The following OTUD3 variants were observed in gnomAD, a reference collection of about 807,000 sequenced individuals.
OTUD3 encodes the protein OTU domain-containing protein 3.
Under a neutral mutation model 46.2 loss-of-function variants are expected in OTUD3, and 24 were observed. The observed-to-expected ratio is 0.52, with a 90% confidence interval of 0.38 to 0.73. OTUD3 has a LOEUF of 0.73. Among genes scored for constraint, OTUD3 ranks in the 30% least tolerant of loss-of-function variants. OTUD3 has a pLI of 0.00. For missense variants in OTUD3, 455 were observed against 523.3 expected (o/e 0.87, Z 1.27); for synonymous variants, 189 against 195.4 (o/e 0.97, Z 0.27).
At chr1:19,896,900 T>C (rs1408753698) in intron 3 of OTUD3, among the ~76,000 whole-genome samples, 2 of 152,202 alleles carry the variant, frequency 1.3e-5, no homozygotes, top group Admixed American at 6.5e-5. Context: ...GGTTGAGCGC[T>C]ACAGGCCGTA....
chr1:19,893,284 T>C (rs2045473818), intron 2 of OTUD3, among the ~76,000 whole-genome samples: 1 of 152,134 alleles, frequency 6.6e-6, no homozygotes, highest in South Asian at 2.1e-4. Flanking sequence ...GGTTCCATAA[T>C]ATGGTAGTAG....
chr1:19,896,331 A>T (rs1438612800), intron 3 of OTUD3, among the ~76,000 whole-genome samples: 1 of 151,138 alleles, frequency 6.6e-6, no homozygotes, highest in African/African-American at 2.4e-5. Flanking sequence ...CACAGTTAAC[A>T]ATTTGGTGAA....
intron 6 of OTUD3, 38 bp from the exon 7 acceptor site, chr1:19,906,394 C>T: frequency 6.3e-7 from 1 of 1,593,588 alleles, no homozygotes; most frequent in Non-Finnish European, 8.6e-7. Context: ...GTGTAACTCT[C>T]AGGTTCTCAG....
chr1:19,900,259 A>C (rs983399397), intron 4 of OTUD3, among the ~76,000 whole-genome samples: 3 of 152,068 alleles, frequency 2.0e-5, no homozygotes, highest in Non-Finnish European at 4.4e-5. Flanking sequence ...GCTGGAGTGC[A>C]GTGCTATGAT....
rs1374005183 is a variant in OTUD3, at chr1:19,906,624, A to G, written c.1020+8A>G. 1 of 1,600,192 alleles carries G rather than the reference A, an allele frequency of 6.2e-7. No individual in the cohort carries two copies. On this transcript the variant is annotated splice_region_variant and intron_variant, in intron 7 of 7. Coordinates refer to ENST00000375120, the MANE Select transcript of OTUD3 (RefSeq NM_015207.2). The stretch of plus-strand genomic sequence containing the variant: ...AAAAACCAGCTCGCAAAGGTATGTA[A>G]GATGGGGTTGAATGGGCAGGTGGTG...
rs2045733880 is a variant in OTUD3, at chr1:19,911,564, A to G, written c.*3818A>G. 6.6e-6 allele frequency: 1 copy of G among 151,496 alleles called. No individual in the cohort carries two copies. Among genetic ancestry groups the G allele is most frequent in the Non-Finnish European group, 1.5e-5 (1 of 67,976 alleles). 9.4% of individuals were successfully genotyped at this position (151,496 alleles called of 1,614,324 possible). On this transcript the variant is annotated 3_prime_UTR_variant, in exon 8 of 8. Transcript: ENST00000375120. ...GCCACCATGCTTGGCTAATTTTTGT[A>G]TTTTTAGTAGAGACGGGGTTTCACC...
At position 19,904,259 on chromosome 1, in the gene OTUD3, T is replaced by C. The variant is rs766558711; in HGVS notation, c.607-8T>C. On this transcript the variant is annotated splice_region_variant and splice_polypyrimidine_tract_variant and intron_variant, in intron 4 of 7. Coordinates refer to ENST00000375120, the MANE Select transcript of OTUD3 (RefSeq NM_015207.2). ...CATAGTTCCCTGATTATTACTTGTT[T>C]CCTTTAGTTTCAGATGCTTCATCAA... 1.3e-6 allele frequency: 2 copies of C among 1,585,858 alleles called. No individual in the cohort carries two copies. Among genetic ancestry groups the C allele is most frequent in the East Asian group, 2.2e-5 (1 of 44,634 alleles).
intron 1 of OTUD3, among the ~76,000 whole-genome samples, chr1:19,884,851 T>G (rs907749918): frequency 6.6e-6 from 1 of 152,206 alleles, no homozygotes; most frequent in African/African-American, 2.4e-5. Flanking sequence ...TACAAATAAT[T>G]AAAATATAGT....
Position 19,910,702 on chromosome 1 carries a change from G to A in OTUD3, c.*2956G>A, listed in dbSNP as rs2045723441. ...CAGTTTGATTCTGAGGGCTTGGGAAGTGGGATCTCCCTTGTGGAGCAGCTG... is the reference window on the plus strand; with the variant it reads ...CAGTTTGATTCTGAGGGCTTGGGAAATGGGATCTCCCTTGTGGAGCAGCTG... On this transcript the variant is annotated 3_prime_UTR_variant, in exon 8 of 8. Coordinates refer to ENST00000375120, the MANE Select transcript of OTUD3 (RefSeq NM_015207.2). The A allele has an allele frequency of 6.6e-6, 1 of 152,376 alleles. No homozygotes were observed. Among genetic ancestry groups the A allele is most frequent in the South Asian group, 2.1e-4 (1 of 4,832 alleles). The allele number at this position is 152,376 out of a possible 1,614,324, so 9.4% of individuals were successfully genotyped here. A position where few individuals can be genotyped will look rare whatever the true frequency, so the allele number is the denominator to read the frequency against.
intron 2 of OTUD3, among the ~76,000 whole-genome samples, chr1:19,893,769 G>A (rs751088678): frequency 1.3e-5 from 2 of 152,216 alleles, no homozygotes; most frequent in Non-Finnish European, 2.9e-5. Context: ...TACTGCACAT[G>A]CCCTTCCTGA....
chr1:19,897,424 A>G lies in OTUD3; in HGVS notation c.484-116A>G, dbSNP rs2045530974. Reference sequence around the variant, plus strand: ...GTGACATATCCCAGGTGTGTTCCCAATTAGTGTCTCATAGACCTGCTGACT... The same window carrying G: ...GTGACATATCCCAGGTGTGTTCCCAGTTAGTGTCTCATAGACCTGCTGACT... On this transcript the variant is annotated intron_variant, in intron 3 of 7. Coordinates refer to ENST00000375120, the MANE Select transcript of OTUD3 (RefSeq NM_015207.2). The G allele has an allele frequency of 3.3e-5, 33 of 988,206 alleles. 1 individual carries two copies. In the South Asian group the frequency reaches 5.5e-4, roughly 16 times the overall value. 61.2% of individuals were successfully genotyped at this position (988,206 alleles called of 1,614,324 possible).
At position 19,882,438 on chromosome 1, in the gene OTUD3, C is replaced by T. The variant is rs1571151882; in HGVS notation, c.-76C>T. 20 of 1,310,216 alleles carry T rather than the reference C, an allele frequency of 1.5e-5. No homozygotes were observed. Among genetic ancestry groups the T allele is most frequent in the African/African-American group, 1.2e-4 (8 of 64,890 alleles). 81.2% of individuals were successfully genotyped at this position (1,310,216 alleles called of 1,614,324 possible). On this transcript the variant is annotated 5_prime_UTR_variant, in exon 1 of 8. Transcript: ENST00000375120. ...GGCTCCGTTGCCCGCGCTGTTTTAC[C>T]TTCCCAACGCTTGAGGCGGACGCTG...
At position 19,907,811 on chromosome 1, in the gene OTUD3, A is replaced by G. The variant is rs1180775750; in HGVS notation, c.*65A>G. 9 of 1,478,310 alleles carry G rather than the reference A, an allele frequency of 6.1e-6. No homozygotes were observed. Among genetic ancestry groups the G allele is most frequent in the African/African-American group, 2.8e-5 (2 of 72,042 alleles). The allele number at this position is 1,478,310 out of a possible 1,614,324, so 91.6% of individuals were successfully genotyped here. Reference sequence around the variant, plus strand: ...AGGATTGCTGTGTGCTAGACTTTCCAGTGAGGCCGTCCTTTTATAAAACGC... The same window carrying G: ...AGGATTGCTGTGTGCTAGACTTTCCGGTGAGGCCGTCCTTTTATAAAACGC... On this transcript the variant is annotated 3_prime_UTR_variant, in exon 8 of 8. Transcript: ENST00000375120.
intron 1 of OTUD3, among the ~76,000 whole-genome samples, chr1:19,886,593 G>A (rs1046680947): frequency 6.6e-6 from 1 of 152,130 alleles, no homozygotes; most frequent in Non-Finnish European, 1.5e-5. Flanking sequence ...TTAGAGTGGG[G>A]CCTGGTTATT....
Position 19,906,573 on chromosome 1 carries a change from G to A in OTUD3, c.977G>A (p.Ser326Asn). 6.2e-7 allele frequency: 1 copy of A among 1,613,284 alleles called. No homozygotes were observed. Among genetic ancestry groups the A allele is most frequent in the Non-Finnish European group, 8.5e-7 (1 of 1,179,852 alleles). The change falls in exon 7 of 8, where the codon AGC becomes AAC. Residue 326 changes from serine to asparagine, a missense_variant. Coordinates refer to ENST00000375120, the MANE Select transcript of OTUD3 (RefSeq NM_015207.2). ...ACCGAAAACAATAAGGCACAGGCCA[G>A]CCCTAGTGAAGAAAACAAAGCAAAT... is the stretch of plus-strand genomic sequence containing the variant. ...GRTENNKAQA[S>N]PSEENKANKN...
chr1:19,888,315 C>G (rs1236404622), intron 1 of OTUD3, among the ~76,000 whole-genome samples: 2 of 152,178 alleles, frequency 1.3e-5, no homozygotes, highest in Non-Finnish European at 2.9e-5. Context: ...TGGCCCAGAT[C>G]TCCTAGAGGC....
chr1:19,906,284 A>G, intron 6 of OTUD3, 148 bp from the exon 7 acceptor site: 1 of 580,534 alleles, frequency 1.7e-6, no homozygotes. Flanking sequence ...TATGTTTCCC[A>G]CTGTCTTGAC....
In OTUD3 at chr1:19,882,691, C is replaced by T. The variant is rs1418263092; in HGVS notation, c.178C>T (p.Leu60=). ...GGAGTTCGTCAGCTTCGCCAACCAGCTGCAGGCCCTGGGGCTGAAGCTGCG... is the reference window on the plus strand; with the variant it reads ...GGAGTTCGTCAGCTTCGCCAACCAGTTGCAGGCCCTGGGGCTGAAGCTGCG... ...EEEFVSFANQ[L]QALGLKLREV... is the part of the protein sequence containing the mutation. The change falls in exon 1 of 8, where the codon CTG becomes TTG. Residue 60 remains leucine, a synonymous_variant. Coordinates refer to ENST00000375120, the MANE Select transcript of OTUD3 (RefSeq NM_015207.2). The T allele has an allele frequency of 1.4e-6, 2 of 1,452,810 alleles. No individual in the cohort carries two copies. The highest frequency in any genetic ancestry group is 1.4e-5 in the South Asian group (1 of 73,154). The allele number at this position is 1,452,810 out of a possible 1,614,324, so 90.0% of individuals were successfully genotyped here.
rs1571163780 is a variant in OTUD3, at chr1:19,890,082, T to C, written c.222-303T>C. On this transcript the variant is annotated intron_variant, in intron 1 of 7. Transcript: ENST00000375120. ...CTGGACCTTGTAGTAAGGTGGTTAG[T>C]GTATCACCGGCTCCACTTGTTGAAG... 2.0e-5 allele frequency among the ~76,000 whole-genome samples: 3 copies of C among 152,188 alleles called. No homozygotes were observed. In the South Asian group the frequency reaches 6.2e-4, roughly 31 times the overall value.
Sources: allele counts gnomAD v4.1 joint callset (sites outside exome capture counted in the v4.1 genomes callset), GRCh38; gene constraint gnomAD v4.1.1; transcripts MANE v1.5; gene names NCBI Gene and HGNC (gene_info 2026-07-23, HGNC 2026-07-21).